GRID2: variants seen among roughly 807,000 people sequenced by gnomAD.
The protein encoded by GRID2 is glutamate receptor ionotropic, delta-2.
Under a neutral mutation model 114.8 loss-of-function variants are expected in GRID2, and 33 were observed. That is an observed-to-expected ratio of 0.29 (90% CI 0.22 to 0.38). The LOEUF is 0.38. GRID2 is among the 10% of genes least tolerant of loss of function. The pLI, the probability that GRID2 is intolerant of heterozygous loss-of-function variation, is 1.00. For missense variants in GRID2, 1,184 were observed against 1,257.7 expected (o/e 0.94, Z 0.89); for synonymous variants, 505 against 449.9 (o/e 1.12, Z -1.55).
chr4:93,313,246 G>A lies in GRID2; in HGVS notation c.1245+74756G>A, dbSNP rs545137139. ...TCAGAACTATACAGCTTTCAAAAGG[G>A]ACATAAGGGAGCAGAGAGAACTGCC... On this transcript the variant is annotated intron_variant, in intron 8 of 15. Coordinates refer to ENST00000282020, the MANE Select transcript of GRID2 (RefSeq NM_001510.4). Among the ~76,000 whole-genome samples the A allele has an allele frequency of 7.2e-5, 11 of 152,224 alleles. 1 individual carries two copies. The highest frequency in any genetic ancestry group is 5.2e-4 in the Admixed American group (8 of 15,274).
intron 2 of GRID2, among the ~76,000 whole-genome samples, chr4:92,859,342 CTATAG>C (rs1056333260): frequency 2.0e-5 from 3 of 152,002 alleles, no homozygotes; most frequent in Non-Finnish European, 2.9e-5. Context: ...ATTTGATAGA[CTATAG>C]TATAGTATAA....
chr4:92,408,255 G>C (rs1731118650), intron 1 of GRID2, among the ~76,000 whole-genome samples: 1 of 151,832 alleles, frequency 6.6e-6, no homozygotes, highest in African/African-American at 2.4e-5. Flanking sequence ...GATGGTTTTA[G>C]GTATGTGGGT....
intron 13 of GRID2, among the ~76,000 whole-genome samples, chr4:93,518,251 G>A (rs569207851): frequency 2.0e-5 from 3 of 151,666 alleles, no homozygotes; most frequent in Admixed American, 1.3e-4. Context: ...CTTACTCGAA[G>A]GTAGATACCG....
At chr4:93,478,707 A>G (rs891646776) in intron 11 of GRID2, among the ~76,000 whole-genome samples, 33 of 152,038 alleles carry the variant, frequency 2.2e-4, no homozygotes, top group African/African-American at 7.5e-4. Flanking sequence ...ACTGAAACGC[A>G]TTATTCAACC....
At chr4:92,986,358 T>C (rs1352267754) in intron 2 of GRID2, among the ~76,000 whole-genome samples, 1 of 152,126 alleles carries the variant, frequency 6.6e-6, no homozygotes, top group Non-Finnish European at 1.5e-5. Flanking sequence ...AATCAGCCAA[T>C]AAGTCAAGAA....
chr4:93,444,319 G>C (rs1721894065), intron 10 of GRID2, among the ~76,000 whole-genome samples: 1 of 151,986 alleles, frequency 6.6e-6, no homozygotes, highest in Non-Finnish European at 1.5e-5. Context: ...ATCAGCATGT[G>C]AGTAGACTTG....
intron 2 of GRID2, among the ~76,000 whole-genome samples, chr4:92,906,770 A>G (rs1305999860): frequency 1.3e-5 from 2 of 152,022 alleles, no homozygotes; most frequent in Non-Finnish European, 2.9e-5. Context: ...AGGCACCTCC[A>G]TTAATAACTA....
At chr4:93,232,833 A>G (rs1305938867) in intron 7 of GRID2, among the ~76,000 whole-genome samples, 1 of 152,146 alleles carries the variant, frequency 6.6e-6, no homozygotes, top group Non-Finnish European at 1.5e-5. Context: ...TTGAAATTAT[A>G]CCATTTCTTA....
At chr4:93,766,168 T>C (rs1273954457) in intron 14 of GRID2, among the ~76,000 whole-genome samples, 3 of 152,190 alleles carry the variant, frequency 2.0e-5, no homozygotes, top group African/African-American at 7.2e-5. Context: ...TGATAAGTGC[T>C]ATGAAGGAAA....
chr4:92,555,766 G>A (rs969046120), intron 1 of GRID2, among the ~76,000 whole-genome samples: 2 of 152,156 alleles, frequency 1.3e-5, no homozygotes, highest in South Asian at 2.1e-4. Flanking sequence ...GTGATGTTGC[G>A]TATTGGACCA....
chr4:92,628,114 A>G (rs1054013306), intron 2 of GRID2, among the ~76,000 whole-genome samples: 2 of 152,162 alleles, frequency 1.3e-5, no homozygotes, highest in Non-Finnish European at 2.9e-5. Flanking sequence ...GAGTTTATAT[A>G]ATTTAATTAT....
At chr4:93,692,557 A>G (rs1726662876) in intron 14 of GRID2, among the ~76,000 whole-genome samples, 2 of 152,080 alleles carry the variant, frequency 1.3e-5, no homozygotes. Flanking sequence ...TTTGTTTCAA[A>G]ATTTTCAGTT....
At chr4:93,070,997 T>C (rs972735252) in intron 2 of GRID2, among the ~76,000 whole-genome samples, 5 of 152,118 alleles carry the variant, frequency 3.3e-5, no homozygotes, top group African/African-American at 1.2e-4. Flanking sequence ...TTTTTAAAAA[T>C]GTGTATCTTT....
chr4:93,191,066 G>A (rs933838112), intron 4 of GRID2, among the ~76,000 whole-genome samples: 2 of 151,980 alleles, frequency 1.3e-5, no homozygotes, highest in Non-Finnish European at 2.9e-5. Flanking sequence ...AAAAATTTCA[G>A]ATAAAGTTGA....
At chr4:93,195,978 A>T (rs538061449) in intron 4 of GRID2, among the ~76,000 whole-genome samples, 1 of 152,110 alleles carries the variant, frequency 6.6e-6, no homozygotes, top group Non-Finnish European at 1.5e-5. Flanking sequence ...TGCAAGTGAC[A>T]TTTTGTTTGA....
At chr4:93,628,264 T>C (rs936769003) in intron 14 of GRID2, among the ~76,000 whole-genome samples, 1 of 152,136 alleles carries the variant, frequency 6.6e-6, no homozygotes, top group Non-Finnish European at 1.5e-5. Context: ...GTAAAGCACT[T>C]GGCATCTAGT....
At chr4:93,626,019 A>G (rs1172696449) in intron 13 of GRID2, among the ~76,000 whole-genome samples, 2 of 152,248 alleles carry the variant, frequency 1.3e-5, no homozygotes, top group African/African-American at 2.4e-5. Flanking sequence ...TGATTTAAGT[A>G]TACTGGAGGA....
At chr4:93,488,315 A>G (rs1726615562) in intron 11 of GRID2, among the ~76,000 whole-genome samples, 1 of 151,988 alleles carries the variant, frequency 6.6e-6, no homozygotes, top group African/African-American at 2.4e-5. Context: ...AGGTATCTAA[A>G]ATGCATTGTA....
At chr4:92,675,985 C>A (rs1733337454) in intron 2 of GRID2, among the ~76,000 whole-genome samples, 1 of 152,034 alleles carries the variant, frequency 6.6e-6, no homozygotes, top group Non-Finnish European at 1.5e-5. Flanking sequence ...TATTTAATGC[C>A]TGAGAAGAGT....
Sources: gnomAD v4.1 joint callset for allele counts (sites outside exome capture counted in the v4.1 genomes callset) on GRCh38, gnomAD v4.1.1 for gene constraint, MANE v1.5 for transcripts, NCBI Gene and HGNC (gene_info 2026-07-23, HGNC 2026-07-21) for gene names.